APBB2: variants seen among roughly 807,000 people sequenced by gnomAD.
The protein encoded by APBB2 is Fe65-like 1.
A neutral mutation model predicts 82.5 loss-of-function variants in APBB2; 38 were observed. The observed-to-expected ratio is 0.46, with a 90% confidence interval of 0.36 to 0.60. The LOEUF (loss-of-function observed/expected upper bound fraction) is 0.60. APBB2 is among the 20% of genes least tolerant of loss of function. APBB2 has a pLI of 0.00. For synonymous variants in APBB2, 341 were observed against 368.2 expected (o/e 0.93, Z 0.85); for missense variants, 772 against 972.3 (o/e 0.79, Z 2.74).
intron 5 of APBB2, among the ~76,000 whole-genome samples, chr4:41,015,925 A>AT (rs1386890978): frequency 6.6e-6 from 1 of 150,842 alleles, no homozygotes; most frequent in African/African-American, 2.5e-5. Flanking sequence ...TGACAATTAA[A>AT]TTAAAAAAAA....
intron 7 of APBB2, among the ~76,000 whole-genome samples, chr4:40,939,955 G>A (rs543244387): frequency 6.6e-6 from 1 of 152,286 alleles, no homozygotes; most frequent in Admixed American, 6.5e-5. Context: ...AATGTAGAGG[G>A]GGCCAGGAGA....
At chr4:40,953,770 A>G (rs752253780) in intron 6 of APBB2, among the ~76,000 whole-genome samples, 1 of 152,184 alleles carries the variant, frequency 6.6e-6, no homozygotes, top group Non-Finnish European at 1.5e-5. Flanking sequence ...CCTCTGACTG[A>G]AGGCACTGTC....
At chr4:40,984,797 ATGT>A (rs781746533) in intron 6 of APBB2, among the ~76,000 whole-genome samples, 30 of 152,192 alleles carry the variant, frequency 2.0e-4, no homozygotes, top group Non-Finnish European at 4.1e-4. Flanking sequence ...CCCAGTTCTC[ATGT>A]TGTGGGGAGT....
chr4:41,148,172 A>C (rs1195972024), intron 1 of APBB2, among the ~76,000 whole-genome samples: 2 of 152,220 alleles, frequency 1.3e-5, no homozygotes, highest in African/African-American at 2.4e-5. Context: ...GTGACTGATA[A>C]CCTTAGGGCA....
intron 12 of APBB2, among the ~76,000 whole-genome samples, chr4:40,850,768 C>T (rs1577952954): frequency 1.3e-5 from 2 of 152,078 alleles, no homozygotes; most frequent in South Asian, 4.2e-4. Context: ...ACAGTGAGAC[C>T]TCAGCTCTAA....
intron 2 of APBB2, among the ~76,000 whole-genome samples, chr4:41,128,249 T>C (rs1428959640): frequency 1.3e-5 from 2 of 152,202 alleles, no homozygotes; most frequent in Non-Finnish European, 1.5e-5. Flanking sequence ...ATGGTTATTA[T>C]TAAAAAGTCA....
chr4:41,152,582 C>CTGGGATTA (rs1393307576), intron 1 of APBB2, among the ~76,000 whole-genome samples: 50 of 152,284 alleles, frequency 3.3e-4, no homozygotes, highest in Middle Eastern at 3.4e-3. Flanking sequence ...CCCACCTCGG[C>CTGGGATTA]CTCCCAAAGT....
At chr4:40,847,713 GCTTT>G (rs770566086) in intron 12 of APBB2, among the ~76,000 whole-genome samples, 65 of 152,254 alleles carry the variant, frequency 4.3e-4, no homozygotes, top group Admixed American at 8.5e-4. Context: ...TTTTCAAGGG[GCTTT>G]CTTTGTGCCA....
chr4:41,156,608 ATC>A (rs1763510472), intron 1 of APBB2, among the ~76,000 whole-genome samples: 1 of 152,228 alleles, frequency 6.6e-6, no homozygotes, highest in South Asian at 2.1e-4. Flanking sequence ...TCTGCTGTAC[ATC>A]TGAGTACACA....
intron 4 of APBB2, among the ~76,000 whole-genome samples, chr4:41,038,085 T>C (rs1719943686): frequency 6.6e-6 from 1 of 152,092 alleles, no homozygotes; most frequent in Non-Finnish European, 1.5e-5. Flanking sequence ...TGTTTCCACA[T>C]GTCCCGTTAA....
rs1432901101 is a variant in APBB2 at position 40,830,669 on chromosome 4, G to GT, written c.1530-93dup. On this transcript the variant is annotated intron_variant, in intron 12 of 17. Transcript: ENST00000508593. Reference sequence around the variant, plus strand: ...GAAGTTAACTGAGCTAGCAGCCAGCGTGTCAATGGTAAACAATGTATGCAA... The same window carrying GT: ...GAAGTTAACTGAGCTAGCAGCCAGCGTTGTCAATGGTAAACAATGTATGCAA... 4.1e-6 allele frequency: 3 copies of GT among 735,686 alleles called. No individual in the cohort carries two copies. The African/African-American group carries it at 5.2e-5, about 13-fold the overall frequency. The allele number at this position is 735,686 out of a possible 1,614,324, so 45.6% of individuals were successfully genotyped here.
intron 1 of APBB2, among the ~76,000 whole-genome samples, chr4:41,143,484 T>C (rs370605669): frequency 2.4e-4 from 37 of 152,378 alleles, no homozygotes; most frequent in African/African-American, 8.7e-4. Flanking sequence ...CACAGGAATG[T>C]TCTGGCAGGG....
chr4:41,113,597 T>C (rs982751667), intron 2 of APBB2, among the ~76,000 whole-genome samples: 1 of 152,156 alleles, frequency 6.6e-6, no homozygotes, highest in African/African-American at 2.4e-5. Flanking sequence ...TACACAGCCT[T>C]TTGCCTGGAT....
At chr4:40,890,629 T>G (rs1340571933) in intron 11 of APBB2, 138 bp from the exon 12 acceptor site, 1 of 1,165,962 alleles carries the variant, frequency 8.6e-7, no homozygotes, top group Non-Finnish European at 1.2e-6. Flanking sequence ...CCTAAGAAAC[T>G]TCCTTTCTGG....
At chr4:40,901,492 T>C (rs1006833662) in intron 10 of APBB2, among the ~76,000 whole-genome samples, 1 of 152,104 alleles carries the variant, frequency 6.6e-6, no homozygotes, top group Non-Finnish European at 1.5e-5. Flanking sequence ...ACTCATCAGC[T>C]GACTTCAGGG....
In APBB2 at chr4:40,815,212, G is replaced by A. The variant is rs1429858200; in HGVS notation, c.*880C>T. The A allele has an allele frequency of 6.6e-6, 1 of 152,622 alleles. No individual in the cohort carries two copies. The highest frequency in any genetic ancestry group is 6.5e-5 in the Admixed American group (1 of 15,272). 9.5% of individuals were successfully genotyped at this position (152,622 alleles called of 1,614,324 possible). Reference sequence around the variant, plus strand: ...ATTCTCAAACTAAGGATGAAAGGCTGATGAGGAGTATTTCATCTTAATGTT... The same window carrying A: ...ATTCTCAAACTAAGGATGAAAGGCTAATGAGGAGTATTTCATCTTAATGTT... On this transcript the variant is annotated 3_prime_UTR_variant, in exon 18 of 18. Transcript: ENST00000508593.
At chr4:41,129,444 A>T (rs1470362955) in intron 2 of APBB2, among the ~76,000 whole-genome samples, 1 of 152,184 alleles carries the variant, frequency 6.6e-6, no homozygotes, top group African/African-American at 2.4e-5. Flanking sequence ...TGCCTTGGGA[A>T]GTCCAAATCA....
In APBB2 at chr4:40,830,575, T is replaced by C; in HGVS notation, c.1532A>G (p.Asp511Gly). ...TTTATCTCTTGCTACATAAGCAAAA[T>C]CCCTGTGCAAGCAAAATGTATCAGT... is the stretch of plus-strand genomic sequence containing the variant. The part of the protein sequence containing the change: ...VWGVGRDNGR[D>G]FAYVARDKDT... The change falls in exon 13 of 18, where the codon GAT becomes GGT. Residue 511 changes from aspartate (D) to glycine (G), a missense_variant and splice_region_variant. Transcript: ENST00000508593. The C allele has an allele frequency of 6.2e-7, 1 of 1,601,354 alleles. No individual in the cohort carries two copies. Among genetic ancestry groups the C allele is most frequent in the Non-Finnish European group, 8.6e-7 (1 of 1,168,508 alleles).
chr4:41,149,673 C>T (rs1012281261), intron 1 of APBB2, among the ~76,000 whole-genome samples: 4 of 152,122 alleles, frequency 2.6e-5, no homozygotes, highest in South Asian at 4.1e-4. Flanking sequence ...TGGGGTAATA[C>T]GATTTGACTG....
Sources: gnomAD v4.1 joint callset for allele counts (sites outside exome capture counted in the v4.1 genomes callset) on GRCh38, gnomAD v4.1.1 for gene constraint, MANE v1.5 for transcripts, NCBI Gene and HGNC (gene_info 2026-07-23, HGNC 2026-07-21) for gene names.